The following PSKH2 variants were observed in gnomAD, a reference collection of about 807,000 sequenced individuals.
PSKH2 encodes the protein serine/threonine-protein kinase H2.
PSKH2 carries 16 observed loss-of-function variants against 22.5 expected under a neutral mutation model. The ratio of observed to expected loss-of-function variants is 0.71; its 90% CI spans 0.48 to 1.08. The LOEUF is 1.08. PSKH2 is among the 50% of genes least tolerant of loss of function. PSKH2 has a pLI of 0.00. For synonymous variants in PSKH2, 188 were observed against 184.8 expected (o/e 1.02, Z -0.14); for missense variants, 516 against 492.8 (o/e 1.05, Z -0.44).
intron 2 of PSKH2, among the ~76,000 whole-genome samples, chr8:86,061,428 A>C (rs955661506): frequency 6.6e-6 from 1 of 152,098 alleles, no homozygotes; most frequent in East Asian, 1.9e-4. Flanking sequence ...CCGCACCCCC[A>C]TATCACACTC....
intron 1 of PSKH2, 106 bp from the exon 2 acceptor site, chr8:86,064,737 CAG>C (rs1817835066): frequency 1.1e-6 from 1 of 910,390 alleles, no homozygotes; most frequent in Admixed American, 2.7e-5. Context: ...TTCCTCCCAT[CAG>C]ATTTATTTGT....
chr8:86,050,560 C>T (rs1817616226), intron 2 of PSKH2, among the ~76,000 whole-genome samples: 1 of 152,234 alleles, frequency 6.6e-6, no homozygotes, highest in South Asian at 2.1e-4. Flanking sequence ...GCTGTCCCCA[C>T]TTTGGCCTGA....
Position 86,064,149 on chromosome 8 carries a change from C to A in PSKH2, c.668G>T (p.Cys223Phe). Residue 223 changes from cysteine (C) to phenylalanine (F), a missense_variant, in exon 2 of 3, where the codon TGT becomes TTT. By Grantham distance (205) the Cys-to-Phe change is radical. Transcript: ENST00000276616. Reference sequence around the variant, plus strand: ...AGGAGCTATGTACTCTGGGGTCCCACAGAGTGTCTTCATTGTCCAGTCACC... The same window carrying A: ...AGGAGCTATGTACTCTGGGGTCCCAAAGAGTGTCTTCATTGTCCAGTCACC... ...KSGDWTMKTL[C>F]GTPEYIAPEV... The A allele has an allele frequency of 1.2e-6, 2 of 1,614,196 alleles. No individual in the cohort carries two copies. The highest frequency in any genetic ancestry group is 2.2e-5 in the South Asian group (2 of 91,074).
At position 86,047,880 on chromosome 8, in the gene PSKH2, T is replaced by C. The variant is rs1817549476; in HGVS notation, c.*582A>G. Among the ~76,000 whole-genome samples, 1 of 152,136 alleles carries C rather than the reference T, an allele frequency of 6.6e-6. No individual in the cohort carries two copies. The highest frequency in any genetic ancestry group is 1.5e-5 in the Non-Finnish European group (1 of 67,990). ...TTTATGATTCTTAAAAATCTCTATT[T>C]TTCCCGTGAATAATGCCCCAATTAG... On this transcript the variant is annotated 3_prime_UTR_variant, in exon 3 of 3. Coordinates refer to ENST00000276616, the MANE Select transcript of PSKH2 (RefSeq NM_033126.3).
Position 86,048,357 on chromosome 8 carries a change from G to C in PSKH2, c.*105C>G, listed in dbSNP as rs1282904291. The C allele has an allele frequency of 4.8e-6, 4 of 827,194 alleles. No homozygotes were observed. The highest frequency in any genetic ancestry group is 3.4e-5 in the African/African-American group (2 of 58,488). 51.2% of individuals were successfully genotyped at this position (827,194 alleles called of 1,614,324 possible). The stretch of plus-strand genomic sequence containing the variant: ...AAAATGTTAAAAGTCAAGATCAATA[G>C]TATCCAACAATACCATGGAGTCCCG... On this transcript the variant is annotated 3_prime_UTR_variant, in exon 3 of 3. Transcript: ENST00000276616.
At chr8:86,059,124 A>G (rs1290552428) in intron 2 of PSKH2, among the ~76,000 whole-genome samples, 2 of 151,994 alleles carry the variant, frequency 1.3e-5, no homozygotes, top group Non-Finnish European at 1.5e-5. Context: ...TATTTTTTGT[A>G]GACATAATGT....
intron 2 of PSKH2, among the ~76,000 whole-genome samples, chr8:86,057,927 A>G (rs1817725094): frequency 6.6e-6 from 1 of 152,140 alleles, no homozygotes; most frequent in Non-Finnish European, 1.5e-5. Context: ...ATTTGAAGAG[A>G]TATATAATCA....
chr8:86,068,000 GA>G (rs1449204420), intron 1 of PSKH2, among the ~76,000 whole-genome samples: 1 of 152,154 alleles, frequency 6.6e-6, no homozygotes, highest in East Asian at 1.9e-4. Flanking sequence ...CCTGGATTGG[GA>G]ATTAGTAGGG....
At chr8:86,069,774 A>T (rs942119375), upstream of PSKH2, 5 of 836,704 alleles carry the variant, frequency 6.0e-6, no homozygotes, top group Admixed American at 1.4e-4. Flanking sequence ...AGCCCCCAGG[A>T]TACCCGCTAA....
intron 2 of PSKH2, among the ~76,000 whole-genome samples, chr8:86,050,751 T>C (rs540432221): frequency 6.6e-6 from 1 of 152,330 alleles, no homozygotes; most frequent in South Asian, 2.1e-4. Flanking sequence ...TTCTAATTGA[T>C]GTGTGTTTTT....
chr8:86,054,905 T>A (rs906592264), intron 2 of PSKH2, among the ~76,000 whole-genome samples: 2 of 152,230 alleles, frequency 1.3e-5, no homozygotes, highest in East Asian at 3.9e-4. Context: ...GCACCTACTA[T>A]TTTTCAAAGC....
At chr8:86,069,950 G>A (rs983457449), upstream of PSKH2, among the ~76,000 whole-genome samples, 1 of 152,148 alleles carries the variant, frequency 6.6e-6, no homozygotes, top group African/African-American at 2.4e-5. Context: ...ATTGTATAAA[G>A]GATATCGTCC....
At chr8:86,069,719 G>A (rs1817920156), upstream of PSKH2, 1 of 1,353,118 alleles carries the variant, frequency 7.4e-7, no homozygotes, top group Non-Finnish European at 9.6e-7. Flanking sequence ...CGAGGGGCGG[G>A]ACCCTCGGAA....
chr8:86,064,465 G>A lies in PSKH2; in HGVS notation c.352C>T (p.Arg118Cys), dbSNP rs148482918. Reference sequence around the variant, plus strand: ...ATCTCCATGAGCTGGACAATGTAACGATGGCTAACCCGCCGCAGGACGCTC... The same window carrying A: ...ATCTCCATGAGCTGGACAATGTAACAATGGCTAACCCGCCGCAGGACGCTC... ...ELSVLRRVSH[R>C]YIVQLMEIFE... Residue 118 changes from arginine (R) to cysteine (C), a missense_variant, in exon 2 of 3, where the codon CGT (arginine) becomes TGT (cysteine). Physicochemically the swap from Arg to Cys is radical, Grantham distance 180. Coordinates refer to ENST00000276616, the MANE Select transcript of PSKH2 (RefSeq NM_033126.3). 9.1e-4 allele frequency: 1,474 copies of A among 1,613,944 alleles called. 9 individuals carry two copies. In the African/African-American group the frequency reaches 0.014, roughly 15 times the overall value.
intron 2 of PSKH2, among the ~76,000 whole-genome samples, chr8:86,063,272 T>C (rs1254989786): frequency 6.6e-6 from 1 of 152,206 alleles, no homozygotes; most frequent in Non-Finnish European, 1.5e-5. Context: ...TTTTTCTTCA[T>C]GAGAAATTAG....
chr8:86,066,902 T>C (rs933856724), intron 1 of PSKH2, among the ~76,000 whole-genome samples: 2 of 152,136 alleles, frequency 1.3e-5, no homozygotes, highest in African/African-American at 4.8e-5. Context: ...GCATTCTCAG[T>C]GTGATTTTGA....
At chr8:86,059,288 T>C (rs1586062250) in intron 2 of PSKH2, among the ~76,000 whole-genome samples, 2 of 152,172 alleles carry the variant, frequency 1.3e-5, no homozygotes, top group East Asian at 3.8e-4. Context: ...ATAAGTGATT[T>C]ATACAATGTG....
intron 2 of PSKH2, among the ~76,000 whole-genome samples, chr8:86,061,417 A>C (rs1274571099): frequency 2.0e-5 from 3 of 152,088 alleles, no homozygotes; most frequent in Non-Finnish European, 4.4e-5. Context: ...GCCCAAATGG[A>C]CCGCACCCCC....
chr8:86,058,034 G>A (rs780508402), intron 2 of PSKH2, among the ~76,000 whole-genome samples: 2 of 152,172 alleles, frequency 1.3e-5, no homozygotes, highest in African/African-American at 4.8e-5. Flanking sequence ...AGAAGGAAGG[G>A]GTGAAGACCA....
Sources: gnomAD v4.1 joint callset for allele counts (sites outside exome capture counted in the v4.1 genomes callset) on GRCh38, gnomAD v4.1.1 for gene constraint, MANE v1.5 for transcripts, NCBI Gene and HGNC (gene_info 2026-07-23, HGNC 2026-07-21) for gene names.